The following RALGPS2 variants were observed in gnomAD, a reference collection of about 807,000 sequenced individuals.
RALGPS2 encodes the protein Ral GEF with PH domain and SH3 binding motif 2, also known as ras-specific guanine nucleotide-releasing factor RalGPS2.
In RALGPS2, 43 loss-of-function variants were observed where a neutral mutation model predicts 86.8. The observed-to-expected ratio is 0.50, with a 90% CI of 0.39 to 0.64. RALGPS2 has a LOEUF of 0.64. Among genes scored for constraint, RALGPS2 ranks in the 30% least tolerant of loss-of-function variants. RALGPS2 has a pLI of 0.00. For synonymous variants in RALGPS2, 243 were observed against 231.3 expected (o/e 1.05, Z -0.46); for missense variants, 536 against 694.6 (o/e 0.77, Z 2.57).
chr1:178,901,645 A>C (rs1660176974), intron 17 of RALGPS2, among the ~76,000 whole-genome samples: 1 of 151,394 alleles, frequency 6.6e-6, no homozygotes. Context: ...CTGAGATCAC[A>C]CCACTGCACC....
intron 1 of RALGPS2, among the ~76,000 whole-genome samples, chr1:178,766,881 A>G (rs942751337): frequency 4.8e-4 from 73 of 152,154 alleles, no homozygotes; most frequent in African/African-American, 1.6e-3. Flanking sequence ...GATGCCAATG[A>G]GTCGTAGAGT....
chr1:178,905,120 A>G (rs1239016913), intron 18 of RALGPS2, among the ~76,000 whole-genome samples: 2 of 151,966 alleles, frequency 1.3e-5, no homozygotes, highest in East Asian at 1.9e-4. Context: ...TTTTGCAGCT[A>G]TTATAAAAGG....
intron 7 of RALGPS2, among the ~76,000 whole-genome samples, chr1:178,823,253 C>T (rs1191195583): frequency 2.0e-5 from 3 of 152,156 alleles, no homozygotes; most frequent in African/African-American, 4.8e-5. Flanking sequence ...TATTTGGTAA[C>T]AGCTTCATTA....
intron 10 of RALGPS2, among the ~76,000 whole-genome samples, chr1:178,880,083 A>G (rs1659179090): frequency 6.6e-6 from 1 of 152,092 alleles, no homozygotes; most frequent in Non-Finnish European, 1.5e-5. Flanking sequence ...CAAGCTTTCA[A>G]ATTGAATTTT....
rs1330283279 is a variant in RALGPS2 at position 178,757,838 on chromosome 1, A to AT, written c.-83-18838dup. 3.9e-5 allele frequency among the ~76,000 whole-genome samples: 6 copies of AT among 152,122 alleles called. No homozygotes were observed. The East Asian group carries it at 7.8e-4, about 20-fold the overall frequency. On this transcript the variant is annotated intron_variant, in intron 1 of 19. Transcript: ENST00000367635. Reference sequence around the variant, plus strand: ...GTTAGGGAGGAGTCCCCCCTCCTTGATTTTTTGGAGTAGGTTCAGGAAGAC... The same window carrying AT: ...GTTAGGGAGGAGTCCCCCCTCCTTGATTTTTTTGGAGTAGGTTCAGGAAGAC...
At chr1:178,883,832 C>CA (rs2102375513) in intron 11 of RALGPS2, among the ~76,000 whole-genome samples, 2 of 151,902 alleles carry the variant, frequency 1.3e-5, no homozygotes, top group Middle Eastern at 3.4e-3. Flanking sequence ...AAAAAAATAA[C>CA]AAAAAAATTA....
chr1:178,853,897 T>C (rs113279110), intron 8 of RALGPS2: 9 of 733,150 alleles, frequency 1.2e-5, no homozygotes, highest in Middle Eastern at 6.0e-4. Context: ...GTTACCATTG[T>C]TTATCATATA....
chr1:178,737,799 A>T (rs1558095266), intron 1 of RALGPS2, among the ~76,000 whole-genome samples: 1 of 151,862 alleles, frequency 6.6e-6, no homozygotes, highest in Admixed American at 6.6e-5. Context: ...TCCTTTTGAG[A>T]TAGGGTCTCA....
chr1:178,856,394 ATTT>A lies in RALGPS2; in HGVS notation c.608-21074_608-21072del, dbSNP rs71108081. On this transcript the variant is annotated intron_variant, in intron 8 of 19. Transcript: ENST00000367635. ...AGGCAAGTGCCACCCTGCCTGGCTA[ATTT>A]TTTTTTTTTTTTTTTTTTTTTTTTT... 9.3e-3 allele frequency among the ~76,000 whole-genome samples: 338 copies of A among 36,290 alleles called. 4 individuals carry two copies. The highest frequency in any genetic ancestry group is 0.047 in the African/African-American group (315 of 6,726). The allele number at this position is 36,290 out of a possible 152,430, so 23.8% of individuals were successfully genotyped here.
intron 1 of RALGPS2, among the ~76,000 whole-genome samples, chr1:178,753,357 A>G (rs1373994442): frequency 6.6e-6 from 1 of 152,196 alleles, no homozygotes; most frequent in Non-Finnish European, 1.5e-5. Context: ...ATGGGCCCTG[A>G]GACAAGTCAA....
intron 1 of RALGPS2, among the ~76,000 whole-genome samples, chr1:178,767,283 T>G (rs1388621395): frequency 6.6e-6 from 1 of 152,138 alleles, no homozygotes; most frequent in Non-Finnish European, 1.5e-5. Flanking sequence ...TCTGGCCTTT[T>G]GAGTTTTTTG....
intron 1 of RALGPS2, among the ~76,000 whole-genome samples, chr1:178,765,521 C>T (rs1652460895): frequency 6.6e-6 from 1 of 152,136 alleles, no homozygotes. Flanking sequence ...GGTGAGATCA[C>T]AGGAACGGAG....
intron 13 of RALGPS2, among the ~76,000 whole-genome samples, chr1:178,887,073 TAA>T (rs1202699885): frequency 1.3e-5 from 2 of 152,132 alleles, no homozygotes; most frequent in Non-Finnish European, 2.9e-5. Context: ...GATGTGAGAT[TAA>T]GAGAGGGATT....
intron 8 of RALGPS2, chr1:178,870,704 A>G (rs1425799626): frequency 1.3e-5 from 2 of 152,212 alleles, no homozygotes; most frequent in South Asian, 2.1e-4. Flanking sequence ...TGCATTTGCT[A>G]TACATAATAT....
At chr1:178,821,840 T>G in intron 7 of RALGPS2, 136 bp downstream of exon 7, 1 of 723,382 alleles carries the variant, frequency 1.4e-6, no homozygotes, top group Non-Finnish European at 2.2e-6. Flanking sequence ...TGTACTCTAT[T>G]CTTTGATACC....
intron 7 of RALGPS2, among the ~76,000 whole-genome samples, chr1:178,827,114 A>G (rs71628301): frequency 0.24 from 36,180 of 152,138 alleles, 5,029 homozygotes; most frequent in Non-Finnish European, 0.32. Flanking sequence ...TGAAAAATCT[A>G]TACACAGAAA....
chr1:178,755,984 C>G (rs1178508398), intron 1 of RALGPS2, among the ~76,000 whole-genome samples: 1 of 152,142 alleles, frequency 6.6e-6, no homozygotes, highest in Admixed American at 6.5e-5. Flanking sequence ...TGTATGTCTT[C>G]TTTTGGGAAG....
chr1:178,897,887 T>G (rs1247426003), intron 17 of RALGPS2, 131 bp downstream of exon 17: 12 of 627,924 alleles, frequency 1.9e-5, no homozygotes, highest in Non-Finnish European at 3.0e-5. Context: ...GTCCAAAAGT[T>G]TTTACATTTA....
At chr1:178,806,886 G>A (rs960195276) in intron 4 of RALGPS2, among the ~76,000 whole-genome samples, 3 of 152,042 alleles carry the variant, frequency 2.0e-5, no homozygotes, top group Non-Finnish European at 4.4e-5. Context: ...CCTTGGACTC[G>A]TCCGGCAGGC....
Sources: gnomAD v4.1 joint callset for allele counts (sites outside exome capture counted in the v4.1 genomes callset) on GRCh38, gnomAD v4.1.1 for gene constraint, MANE v1.5 for transcripts, NCBI Gene and HGNC (gene_info 2026-07-23, HGNC 2026-07-21) for gene names.